DTNA: variants seen among roughly 807,000 people sequenced by gnomAD.
DTNA encodes dystrobrevin alpha, also known as dystrophin-related protein 3.
In DTNA, 43 loss-of-function variants were observed where a neutral mutation model predicts 100.7. The observed-to-expected ratio is 0.43, with a 90% CI of 0.33 to 0.55. DTNA has a LOEUF of 0.55. DTNA is among the 20% of genes least tolerant of loss of function. DTNA has a pLI of 0.04. For synonymous variants in DTNA, 349 were observed against 347.9 expected, an observed-to-expected ratio of 1.00 and a Z score of -0.04; for missense variants, 798 against 953.9, an observed-to-expected ratio of 0.84 and a Z score of 2.15.
chr18:34,570,710 A>G (rs779589139), intron 1 of DTNA, among the ~76,000 whole-genome samples: 11 of 152,224 alleles, frequency 7.2e-5, no homozygotes, highest in Non-Finnish European at 1.3e-4. Flanking sequence ...GTAGGATCAG[A>G]CATCAGCAGT....
chr18:34,518,702 AACGT>A (rs2041890109), intron 1 of DTNA, among the ~76,000 whole-genome samples: 1 of 86,438 alleles, frequency 1.2e-5, no homozygotes, highest in Non-Finnish European at 2.4e-5. Context: ...TAATTTGGCA[AACGT>A]GTGTGTGTGT....
In DTNA at chr18:34,815,894, G is replaced by T; in HGVS notation, c.604-15G>T. 2.5e-6 allele frequency: 4 copies of T among 1,606,900 alleles called. No homozygotes were observed. The South Asian group carries it at 4.4e-5, about 18-fold the overall frequency. On this transcript the variant is annotated splice_polypyrimidine_tract_variant and intron_variant, in intron 6 of 22. Coordinates refer to ENST00000444659, the MANE Select transcript of DTNA (RefSeq NM_001386795.1). ...GATTCTCTGTCCTAAATTTATGGGG[G>T]GTTTTTTTATGCAGAAAAAAGTCAC...
rs1480430 is a variant in DTNA at position 34,737,331 on chromosome 18, G to A, written c.-1-18645G>A. On this transcript the variant is annotated intron_variant, in intron 1 of 22. Transcript: ENST00000444659. ...TATGTGTACAAAATTACTTTGTAAA[G>A]TGATTGTGAAGCCTCACCTAAGCGA... Among the ~76,000 whole-genome samples, 572 of 152,310 alleles carry A rather than the reference G, an allele frequency of 3.8e-3. 1 individual carries two copies. Among genetic ancestry groups the A allele is most frequent in the African/African-American group, 0.013 (554 of 41,568 alleles).
chr18:34,550,294 G>A (rs192011263), intron 1 of DTNA, among the ~76,000 whole-genome samples: 16 of 152,194 alleles, frequency 1.1e-4, no homozygotes, highest in Non-Finnish European at 1.5e-4. Context: ...TTTTCTAAGG[G>A]ACTAGTGAGC....
At chr18:34,801,513 CTT>C (rs555362184) in intron 4 of DTNA, among the ~76,000 whole-genome samples, 1,958 of 140,372 alleles carry the variant, frequency 0.014, 34 homozygotes, top group African/African-American at 0.047. Context: ...AATAAAATAA[CTT>C]TTTTTTTTTT....
intron 1 of DTNA, among the ~76,000 whole-genome samples, chr18:34,746,953 AC>A (rs971256766): frequency 6.6e-6 from 1 of 152,128 alleles, no homozygotes; most frequent in African/African-American, 2.4e-5. Context: ...GTACAGTCTT[AC>A]CCAGAATAAG....
chr18:34,585,649 T>C (rs2049054603), intron 1 of DTNA, among the ~76,000 whole-genome samples: 1 of 152,092 alleles, frequency 6.6e-6, no homozygotes, highest in Non-Finnish European at 1.5e-5. Context: ...CTGGAGGAAG[T>C]ATTATATATA....
At chr18:34,753,572 C>T (rs1169674940) in intron 1 of DTNA, among the ~76,000 whole-genome samples, 1 of 142,894 alleles carries the variant, frequency 7.0e-6, no homozygotes, top group African/African-American at 3.0e-5. Flanking sequence ...TTAGTAGAGA[C>T]GGGGTTTCAC....
intron 1 of DTNA, among the ~76,000 whole-genome samples, chr18:34,522,865 G>A (rs1219225075): frequency 6.6e-6 from 1 of 152,188 alleles, no homozygotes; most frequent in African/African-American, 2.4e-5. Context: ...GCAGGGGCAG[G>A]CAGCAGAGCA....
chr18:34,875,368 G>T lies in DTNA; in HGVS notation c.1873G>T (p.Gly625Trp). 6.2e-7 allele frequency: 1 copy of T among 1,614,196 alleles called. No individual in the cohort carries two copies. The highest frequency in any genetic ancestry group is 8.5e-7 in the Non-Finnish European group (1 of 1,180,042). Residue 625 changes from glycine (G) to tryptophan (W), a missense_variant, in exon 18 of 23, where the codon GGG (glycine) becomes TGG (tryptophan). Gly to Trp is a radical substitution (Grantham distance 184). This residue lies in a region of DTNA where 242 missense variants were observed against 238.2 expected (regional missense o/e 1.02). Transcript: ENST00000444659. Reference sequence around the variant, plus strand: ...GCCGCAGGACTCCCTCACAGGAGTAGGGGGAGATGTACAAGAGGCATTTGC... The same window carrying T: ...GCCGCAGGACTCCCTCACAGGAGTATGGGGAGATGTACAAGAGGCATTTGC... ...HTPQDSLTGV[G>W]GDVQEAFAQS...
At chr18:34,650,835 A>C (rs1045719707) in intron 1 of DTNA, among the ~76,000 whole-genome samples, 13 of 152,232 alleles carry the variant, frequency 8.5e-5, no homozygotes, top group Non-Finnish European at 1.8e-4. Context: ...TTACTGTCAG[A>C]TTAAGAATTT....
intron 1 of DTNA, among the ~76,000 whole-genome samples, chr18:34,672,731 AG>A (rs1016129779): frequency 1.3e-5 from 2 of 152,224 alleles, no homozygotes; most frequent in Admixed American, 6.5e-5. Flanking sequence ...AGGACAAAAA[AG>A]TTTCAAATAT....
chr18:34,557,156 G>A (rs2046149933), intron 1 of DTNA, among the ~76,000 whole-genome samples: 1 of 149,284 alleles, frequency 6.7e-6, no homozygotes, highest in Admixed American at 6.6e-5. Context: ...CCAGTTGATC[G>A]CATTGGCTCC....
At chr18:34,688,161 TG>T (rs1202653646) in intron 1 of DTNA, among the ~76,000 whole-genome samples, 3 of 152,234 alleles carry the variant, frequency 2.0e-5, no homozygotes, top group Non-Finnish European at 4.4e-5. Context: ...AATATTGTTA[TG>T]TGTGAATTTG....
chr18:34,668,520 G>A (rs1343604687), intron 1 of DTNA, among the ~76,000 whole-genome samples: 1 of 151,532 alleles, frequency 6.6e-6, no homozygotes, highest in Non-Finnish European at 1.5e-5. Flanking sequence ...GTGATGTTAG[G>A]GTGTCAATTT....
intron 1 of DTNA, among the ~76,000 whole-genome samples, chr18:34,518,106 G>A (rs556152643): frequency 6.6e-6 from 1 of 152,234 alleles, no homozygotes; most frequent in South Asian, 2.1e-4. Flanking sequence ...TTAACACTAT[G>A]TTTTATGTTA....
chr18:34,825,597 C>A (rs2095842046), intron 9 of DTNA, among the ~76,000 whole-genome samples: 1 of 152,054 alleles, frequency 6.6e-6, no homozygotes, highest in African/African-American at 2.4e-5. Context: ...AATTTCAGTC[C>A]CTCTGAAAAC....
chr18:34,605,180 C>T (rs1454130910), intron 1 of DTNA, among the ~76,000 whole-genome samples: 3 of 150,672 alleles, frequency 2.0e-5, no homozygotes, highest in Admixed American at 6.6e-5. Context: ...TTGGAATTTT[C>T]CCACTGTTAC....
intron 1 of DTNA, among the ~76,000 whole-genome samples, chr18:34,579,501 C>T (rs1482767755): frequency 1.3e-5 from 2 of 152,160 alleles, no homozygotes; most frequent in Non-Finnish European, 2.9e-5. Context: ...ACACTCTCAA[C>T]CTTTCTCATC....
Sources: allele counts gnomAD v4.1 joint callset (sites outside exome capture counted in the v4.1 genomes callset), GRCh38; gene constraint gnomAD v4.1.1; regional missense constraint gnomAD v4.1.1; transcripts MANE v1.5; gene names NCBI Gene and HGNC (gene_info 2026-07-23, HGNC 2026-07-21).